The following GPHN variants were observed in gnomAD, a reference collection of about 807,000 sequenced individuals.
The protein encoded by GPHN is gephyrin.
A neutral mutation model predicts 95.5 loss-of-function variants in GPHN; 17 were observed. That is an observed-to-expected ratio of 0.18 (90% CI 0.12 to 0.27). The LOEUF (loss-of-function observed/expected upper bound fraction) is 0.27, where lower values mean the gene tolerates loss of function less well. GPHN is among the 10% of genes least tolerant of loss of function. GPHN has a pLI of 1.00. For missense variants in GPHN, 660 were observed against 978.1 expected (o/e 0.67, Z 4.34); for synonymous variants, 320 against 322.5 (o/e 0.99, Z 0.08).
At chr14:66,953,103 CTTG>C (rs2068220711) in intron 8 of GPHN, among the ~76,000 whole-genome samples, 1 of 108,626 alleles carries the variant, frequency 9.2e-6, no homozygotes, top group South Asian at 3.0e-4. Flanking sequence ...TCTTCATATA[CTTG>C]TTGATGATTT....
At chr14:67,360,435 G>A in the GPHN span, 5 of 388,904 alleles carry the variant, frequency 1.3e-5, no homozygotes, top group East Asian at 7.3e-5. Flanking sequence ...GCTCCAGTGC[G>A]GGAATCACAC....
At chr14:66,752,905 G>C (rs2153448700) in intron 2 of GPHN, among the ~76,000 whole-genome samples, 1 of 144,298 alleles carries the variant, frequency 6.9e-6, no homozygotes, top group South Asian at 2.2e-4. Flanking sequence ...CTTAAGTCAG[G>C]AATCCTAAAG....
At chr14:67,605,157 G>C in the GPHN span, among the ~76,000 whole-genome samples, 1 of 152,246 alleles carries the variant, frequency 6.6e-6, no homozygotes, top group East Asian at 1.9e-4. Context: ...CAATCTAAGG[G>C]AGAATTGACA....
chr14:66,620,683 A>C (rs534206452), intron 1 of GPHN, among the ~76,000 whole-genome samples: 1 of 152,166 alleles, frequency 6.6e-6, no homozygotes, highest in South Asian at 2.1e-4. Flanking sequence ...ACCGCTCTCA[A>C]ATCTCATATC....
chr14:67,196,416 G>A, the GPHN span, among the ~76,000 whole-genome samples: 5 of 151,626 alleles, frequency 3.3e-5, no homozygotes, highest in Middle Eastern at 3.2e-3. Context: ...AGGATTTCAC[G>A]ACGTTGGCCA....
intron 10 of GPHN, among the ~76,000 whole-genome samples, chr14:67,039,940 C>G (rs2074614998): frequency 6.6e-6 from 1 of 152,138 alleles, no homozygotes; most frequent in Non-Finnish European, 1.5e-5. Context: ...GTGTGCATAA[C>G]ATCTTTGGAC....
intron 1 of GPHN, among the ~76,000 whole-genome samples, chr14:66,567,328 T>G (rs1010398317): frequency 6.6e-6 from 1 of 152,314 alleles, no homozygotes; most frequent in South Asian, 2.1e-4. Context: ...GCTCTAATGC[T>G]AGGCCCTACA....
the GPHN span, among the ~76,000 whole-genome samples, chr14:67,550,239 A>C: frequency 1.3e-5 from 2 of 151,818 alleles, no homozygotes; most frequent in Non-Finnish European, 2.9e-5. Flanking sequence ...CCCAAGCTGG[A>C]GTGCAGTGGC....
the GPHN span, among the ~76,000 whole-genome samples, chr14:67,299,972 T>C: frequency 6.6e-6 from 1 of 152,198 alleles, no homozygotes; most frequent in East Asian, 1.9e-4. Flanking sequence ...TAATAAACTT[T>C]AAAAGGGAAA....
At chr14:67,303,692 G>T in the GPHN span, 1 of 833,960 alleles carries the variant, frequency 1.2e-6, no homozygotes. Context: ...ACTGTTTCCT[G>T]TACTCAAATA....
intron 9 of GPHN, among the ~76,000 whole-genome samples, chr14:66,998,920 T>C (rs202167587): frequency 8.3e-5 from 12 of 144,970 alleles, no homozygotes; most frequent in Admixed American, 1.4e-4. Context: ...TATATATATA[T>C]ACACACAATT....
At chr14:66,913,509 T>A (rs999006410) in intron 5 of GPHN, among the ~76,000 whole-genome samples, 3 of 151,896 alleles carry the variant, frequency 2.0e-5, no homozygotes, top group African/African-American at 7.2e-5. Context: ...ACCCGGCTAA[T>A]TTTTTGTATT....
At chr14:67,475,481 G>A in the GPHN span, among the ~76,000 whole-genome samples, 1 of 152,116 alleles carries the variant, frequency 6.6e-6, no homozygotes, top group African/African-American at 2.4e-5. Context: ...TTTCCACAGT[G>A]GCCACACCAT....
intron 5 of GPHN, among the ~76,000 whole-genome samples, chr14:66,895,175 G>A (rs1364204589): frequency 6.6e-6 from 1 of 152,210 alleles, no homozygotes; most frequent in African/African-American, 2.4e-5. Context: ...ATACCATGCA[G>A]CCATAAGAAA....
intron 21 of GPHN, among the ~76,000 whole-genome samples, chr14:67,172,939 C>T (rs1567446456): frequency 6.6e-6 from 1 of 152,160 alleles, no homozygotes. Context: ...GACTCAGGTT[C>T]CTAGATAGCA....
intron 9 of GPHN, among the ~76,000 whole-genome samples, chr14:66,973,453 T>C (rs1179421221): frequency 6.6e-6 from 1 of 152,200 alleles, no homozygotes; most frequent in Admixed American, 6.5e-5. Context: ...ATAGATAACA[T>C]ACAAAGCCCT....
chr14:67,561,087 G>T, the GPHN span, among the ~76,000 whole-genome samples: 574 of 152,198 alleles, frequency 3.8e-3, 3 homozygotes, highest in South Asian at 0.019. Context: ...CTGCAGGAGG[G>T]TATCAGCTCA....
At chr14:67,452,725 T>C in the GPHN span, among the ~76,000 whole-genome samples, 3 of 152,210 alleles carry the variant, frequency 2.0e-5, no homozygotes, top group African/African-American at 7.2e-5. Context: ...AGCAAGTTAA[T>C]TTCTCTCTCT....
intron 8 of GPHN, among the ~76,000 whole-genome samples, chr14:66,926,070 G>C (rs912170054): frequency 1.3e-5 from 2 of 152,126 alleles, no homozygotes; most frequent in Admixed American, 6.5e-5. Flanking sequence ...CATCTATTCA[G>C]ATCTTTTACC....
Sources: allele counts gnomAD v4.1 joint callset (sites outside exome capture counted in the v4.1 genomes callset), GRCh38; gene constraint gnomAD v4.1.1; transcripts MANE v1.5; gene names NCBI Gene and HGNC (gene_info 2026-07-23, HGNC 2026-07-21).